GSE1: variants seen among roughly 807,000 people sequenced by gnomAD.
GSE1 encodes genetic suppressor element 1.
In GSE1, 32 loss-of-function variants were observed where a neutral mutation model predicts 112.6. The observed-to-expected ratio is 0.28, with a 90% CI of 0.21 to 0.38. The LOEUF (loss-of-function observed/expected upper bound fraction) is 0.38. Ranked by LOEUF, GSE1 falls within the 10% of genes least tolerant of loss-of-function variation. The pLI is 1.00. For missense variants in GSE1, 2,348 were observed against 1,699.2 expected, an observed-to-expected ratio of 1.38 and a Z score of -6.71; for synonymous variants, 1,115 against 735.6, an observed-to-expected ratio of 1.52 and a Z score of -8.35.
intron 2 of GSE1, among the ~76,000 whole-genome samples, chr16:85,511,661 C>G (rs750022759): frequency 7.2e-5 from 11 of 152,144 alleles, no homozygotes; most frequent in Non-Finnish European, 1.6e-4. Context: ...TGGGATTGTC[C>G]TGGGGTATCC....
chr16:85,221,138 C>G (rs566167714), intron 1 of GSE1, among the ~76,000 whole-genome samples: 11 of 152,178 alleles, frequency 7.2e-5, no homozygotes, highest in Non-Finnish European at 1.0e-4. Context: ...AGCCCCCGCC[C>G]AGAGGCAGGG....
intron 2 of GSE1, among the ~76,000 whole-genome samples, chr16:85,437,079 G>A (rs759321785): frequency 2.6e-5 from 4 of 152,214 alleles, no homozygotes; most frequent in East Asian, 3.9e-4. Flanking sequence ...GCAGCCGGCC[G>A]GTCTCACAAG....
At chr16:85,184,261 A>G (rs188510783) in intron 1 of GSE1, among the ~76,000 whole-genome samples, 51 of 152,296 alleles carry the variant, frequency 3.3e-4, no homozygotes, top group East Asian at 2.9e-3. Context: ...ACCTTGTCTC[A>G]GAACCAATGC....
intron 2 of GSE1, among the ~76,000 whole-genome samples, chr16:85,439,817 C>T (rs900665875): frequency 6.6e-6 from 1 of 152,102 alleles, no homozygotes; most frequent in Non-Finnish European, 1.5e-5. Context: ...GATCCACAGG[C>T]ACAGATGCAT....
rs566113583 is a variant in GSE1 at position 85,494,803 on chromosome 16, T to C, written c.2464+137160T>C. ...CAGGAGCTAGAAGGGGCTTTACAGC[T>C]CACCAAGTGTGACCCCCTGTTCTTC... On this transcript the variant is annotated intron_variant, in intron 2 of 2. Transcript: ENST00000637419. Among the ~76,000 whole-genome samples, 3 of 152,352 alleles carry C rather than the reference T, an allele frequency of 2.0e-5. No homozygotes were observed. The South Asian group carries it at 6.2e-4, about 32-fold the overall frequency.
rs60232412 is a variant in GSE1 at position 85,239,277 on chromosome 16, G to C, written c.2283+67470G>C. On this transcript the variant is annotated intron_variant, in intron 1 of 2. Coordinates refer to the GSE1 transcript ENST00000637419. The stretch of plus-strand genomic sequence containing the variant: ...GAAAGTCATTGGAAGGTGTTAATGG[G>C]GGCGGTGGCCAGAGCTGGGCATTTA... 5.3e-3 allele frequency among the ~76,000 whole-genome samples: 802 copies of C among 152,288 alleles called. 6 individuals are homozygous for C. The highest frequency in any genetic ancestry group is 0.018 in the African/African-American group (748 of 41,552).
chr16:85,470,949 A>T (rs956383713), intron 2 of GSE1, among the ~76,000 whole-genome samples: 2 of 152,270 alleles, frequency 1.3e-5, no homozygotes, highest in African/African-American at 4.8e-5. Context: ...CTCCTGACAC[A>T]TAGCGCGTTG....
Position 85,373,193 on chromosome 16 carries a change from G to T in GSE1, c.2464+15550G>T, listed in dbSNP as rs1246725623. 6.6e-6 allele frequency among the ~76,000 whole-genome samples: 1 copy of T among 152,224 alleles called. No individual in the cohort carries two copies. ...CGGCTCCTTGTCCACCAGGGTGGGT[G>T]CCAGGCGCCTGGTAGCAGGCCCAGC... On this transcript the variant is annotated intron_variant, in intron 2 of 2. Transcript: ENST00000637419. This position sits in a 1 kb window ranked among gnomAD's most constrained non-coding sequence, Gnocchi z 5.1.
chr16:85,597,480 T>A (rs1202130731), intron 1 of GSE1, among the ~76,000 whole-genome samples: 2 of 152,244 alleles, frequency 1.3e-5, no homozygotes, highest in East Asian at 3.9e-4. Context: ...TTAATTAATT[T>A]GTTTTGAGAG....
Position 85,417,909 on chromosome 16 carries a change from G to A in GSE1, c.2464+60266G>A, listed in dbSNP as rs572373492. On this transcript the variant is annotated intron_variant, in intron 2 of 2. Transcript: ENST00000637419. The stretch of plus-strand genomic sequence containing the variant: ...GGCTGGAGGGCAGGGGCTCGATCTC[G>A]GCTCACTGCAACCTCCGCCTCCCGA... Among the ~76,000 whole-genome samples, 6 of 152,290 alleles carry A rather than the reference G, an allele frequency of 3.9e-5. No homozygotes were observed. In the East Asian group the frequency reaches 5.8e-4, roughly 15 times the overall value.
At chr16:85,310,065 G>T (rs2045793785) in intron 1 of GSE1, among the ~76,000 whole-genome samples, 1 of 151,944 alleles carries the variant, frequency 6.6e-6, no homozygotes, top group Non-Finnish European at 1.5e-5. Context: ...ATAAGCCCAG[G>T]CATAAGCCAC....
At chr16:85,517,215 A>G (rs1312586360) in intron 2 of GSE1, among the ~76,000 whole-genome samples, 8 of 151,806 alleles carry the variant, frequency 5.3e-5, no homozygotes, top group Admixed American at 5.2e-4. Flanking sequence ...CACAGGGACC[A>G]TCAGATGGGT....
At chr16:85,465,216 C>T (rs2050090653) in intron 2 of GSE1, among the ~76,000 whole-genome samples, 1 of 152,240 alleles carries the variant, frequency 6.6e-6, no homozygotes, top group Non-Finnish European at 1.5e-5. Flanking sequence ...TCCTGGGCTC[C>T]TCCATGGGCT....
chr16:85,664,127 C>G (rs908875732), intron 11 of GSE1, among the ~76,000 whole-genome samples: 3 of 152,274 alleles, frequency 2.0e-5, no homozygotes, highest in Non-Finnish European at 4.4e-5. Context: ...TTGGGACAGA[C>G]CCTCTGGGCT....
At chr16:85,186,604 A>G (rs1451951875) in intron 1 of GSE1, among the ~76,000 whole-genome samples, 1 of 150,074 alleles carries the variant, frequency 6.7e-6, no homozygotes, top group Non-Finnish European at 1.5e-5. Context: ...CTCTGTCTCA[A>G]GAAAAAAAAA....
At chr16:85,246,783 C>G (rs1472825643) in intron 1 of GSE1, among the ~76,000 whole-genome samples, 1 of 152,006 alleles carries the variant, frequency 6.6e-6, no homozygotes, top group Non-Finnish European at 1.5e-5. Flanking sequence ...TCTGGGGGAG[C>G]CTCCCCCCTG....
At position 85,519,567 on chromosome 16, in the gene GSE1, T is replaced by TTTCACCACCATCAC. The variant is rs1555526332; in HGVS notation, c.2465-114347_2465-114346insTTCACCACCATCAC. 5.0e-3 allele frequency among the ~76,000 whole-genome samples: 6 copies of TTTCACCACCATCAC among 1,206 alleles called. 2 individuals carry two copies. The highest frequency in any genetic ancestry group is 6.6e-3 in the African/African-American group (3 of 452). 0.8% of individuals were successfully genotyped at this position (1,206 alleles called of 152,430 possible). On this transcript the variant is annotated intron_variant, in intron 2 of 2. Coordinates refer to the GSE1 transcript ENST00000637419. ...ACTATTACCACCATCACTATCATCA[T>TTTCACCACCATCAC]CACCATCACCAGTCTCCATCATCAT...
At chr16:85,498,510 C>A (rs1462875408) in intron 2 of GSE1, among the ~76,000 whole-genome samples, 1 of 152,128 alleles carries the variant, frequency 6.6e-6, no homozygotes, top group Non-Finnish European at 1.5e-5. Flanking sequence ...CACAAACATA[C>A]ACAGAGATAC....
At chr16:85,431,059 T>G (rs2049108955) in intron 2 of GSE1, among the ~76,000 whole-genome samples, 1 of 128,220 alleles carries the variant, frequency 7.8e-6, no homozygotes, top group Non-Finnish European at 1.8e-5. Flanking sequence ...CAGCTCAGGT[T>G]GAAAGCCACT....
Sources: gnomAD v4.1 joint callset for allele counts (sites outside exome capture counted in the v4.1 genomes callset) on GRCh38, gnomAD v4.1.1 for gene constraint, Gnocchi (gnomAD v3.1) non-coding constraint, MANE v1.5 for transcripts, NCBI Gene and HGNC (gene_info 2026-07-23, HGNC 2026-07-21) for gene names.